TPRG1: variants seen among roughly 807,000 people sequenced by gnomAD.
The protein encoded by TPRG1 is tumor protein p63-regulated gene 1 protein.
Under a neutral mutation model 29.3 loss-of-function variants are expected in TPRG1, and 29 were observed. The observed-to-expected ratio is 0.99, with a 90% CI of 0.74 to 1.35. The LOEUF (loss-of-function observed/expected upper bound fraction) is 1.35, where lower values mean the gene tolerates loss of function less well. Ranked by LOEUF, TPRG1 falls within the 40% of genes most tolerant of loss-of-function variation. The probability of loss-of-function intolerance (pLI) is 0.00; values close to 1 mark genes in which losing one functional copy is unlikely to be tolerated. For missense variants in TPRG1, 327 were observed against 335.0 expected, an observed-to-expected ratio of 0.98 and a Z score of 0.19; for synonymous variants, 130 against 116.8, an observed-to-expected ratio of 1.11 and a Z score of -0.73.
At chr3:189,218,771 C>A (rs1437338015) in intron 3 of TPRG1, among the ~76,000 whole-genome samples, 1 of 152,160 alleles carries the variant, frequency 6.6e-6, no homozygotes, top group Admixed American at 6.5e-5. Flanking sequence ...CTCCTGCATT[C>A]GTCTTGAGGC....
chr3:189,140,671 C>A (rs961499469), intron 3 of TPRG1, among the ~76,000 whole-genome samples: 5 of 152,186 alleles, frequency 3.3e-5, no homozygotes, highest in African/African-American at 1.2e-4. Flanking sequence ...AAACACAAAT[C>A]TTACCTGCAC....
At chr3:189,023,430 T>C (rs1325166498) in intron 3 of TPRG1, among the ~76,000 whole-genome samples, 2 of 152,238 alleles carry the variant, frequency 1.3e-5, no homozygotes, top group Non-Finnish European at 2.9e-5. Context: ...CTTCTTCGCA[T>C]TGAGTTACAG....
Position 189,027,848 on chromosome 3 carries a change from G to A in TPRG1, c.-463+3902G>A, listed in dbSNP as rs555268297. Among the ~76,000 whole-genome samples, 8 of 152,238 alleles carry A rather than the reference G, an allele frequency of 5.3e-5. No individual in the cohort carries two copies. The South Asian group carries it at 1.2e-3, about 24-fold the overall frequency. On this transcript the variant is annotated intron_variant, in intron 4 of 10. Transcript: ENST00000433971. ...GAAGGCTTAAAAGCAATAGCATTGTGAACAGTGAGCATGCATTCCCTCTTA... is the reference window on the plus strand; with the variant it reads ...GAAGGCTTAAAAGCAATAGCATTGTAAACAGTGAGCATGCATTCCCTCTTA...
chr3:189,101,192 C>A (rs1276784603), intron 1 of TPRG1, among the ~76,000 whole-genome samples: 1 of 152,116 alleles, frequency 6.6e-6, no homozygotes, highest in African/African-American at 2.4e-5. Context: ...CCTGTTCATG[C>A]CAGCGAACCC....
At chr3:189,153,878 A>G (rs1352669676) in intron 5 of TPRG1, among the ~76,000 whole-genome samples, 1 of 152,224 alleles carries the variant, frequency 6.6e-6, no homozygotes, top group Non-Finnish European at 1.5e-5. Flanking sequence ...GAGGACTAAG[A>G]GGACCAAGTC....
chr3:189,170,491 G>A (rs534672775), upstream of TPRG1, among the ~76,000 whole-genome samples: 43 of 152,276 alleles, frequency 2.8e-4, no homozygotes, highest in African/African-American at 1.0e-3. Context: ...CCCTCCTCTG[G>A]ATTACCATAG....
At chr3:189,078,363 C>G (rs958862793) in intron 4 of TPRG1, among the ~76,000 whole-genome samples, 1 of 151,936 alleles carries the variant, frequency 6.6e-6, no homozygotes, top group Non-Finnish European at 1.5e-5. Context: ...GTCTTGAACT[C>G]CTGACCTCAG....
chr3:189,054,524 A>G (rs1418957804), intron 4 of TPRG1, among the ~76,000 whole-genome samples: 1 of 152,012 alleles, frequency 6.6e-6, no homozygotes, highest in Non-Finnish European at 1.5e-5. Flanking sequence ...CTCTTATAAA[A>G]TGACAAATTT....
intron 4 of TPRG1, among the ~76,000 whole-genome samples, chr3:189,032,844 G>A (rs946468254): frequency 6.9e-6 from 1 of 145,814 alleles, no homozygotes; most frequent in East Asian, 2.0e-4. Context: ...GAGAACATGC[G>A]GTGTTTGGTT....
intron 3 of TPRG1, among the ~76,000 whole-genome samples, chr3:189,233,501 G>T (rs2108916793): frequency 6.6e-6 from 1 of 152,204 alleles, no homozygotes; most frequent in East Asian, 1.9e-4. Flanking sequence ...TTTTTATCTG[G>T]GGGAGAACCT....
chr3:189,041,605 G>A lies in TPRG1; in HGVS notation c.-463+17659G>A, dbSNP rs573280964. ...ATGGCTTCCCTTCTCACCCCATGTG[G>A]GGAGGTGGAACAAGCTTCCTAGTCT... is the stretch of plus-strand genomic sequence containing the variant. On this transcript the variant is annotated intron_variant, in intron 4 of 10. Transcript: ENST00000433971. Among the ~76,000 whole-genome samples, 21 of 152,306 alleles carry A rather than the reference G, an allele frequency of 1.4e-4. 1 individual carries two copies. In the East Asian group the frequency reaches 3.7e-3, roughly 27 times the overall value.
intron 1 of TPRG1, among the ~76,000 whole-genome samples, chr3:189,188,994 A>G (rs1395805071): frequency 6.6e-6 from 1 of 152,216 alleles, no homozygotes; most frequent in Non-Finnish European, 1.5e-5. Flanking sequence ...AAAATAAAAT[A>G]GTTTTTTCCT....
chr3:189,072,721 T>G (rs1716884227), intron 4 of TPRG1, among the ~76,000 whole-genome samples: 2 of 152,194 alleles, frequency 1.3e-5, no homozygotes, highest in African/African-American at 4.8e-5. Context: ...CAAGATCCAT[T>G]GGTTGTTTCT....
Position 189,323,983 on chromosome 3 carries a change from A to T in TPRG1, c.*3163A>T, listed in dbSNP as rs942424619. 1.5e-4 allele frequency: 23 copies of T among 152,264 alleles called. No homozygotes were observed. Among genetic ancestry groups the T allele is most frequent in the African/African-American group, 5.3e-4 (22 of 41,550 alleles). The allele number at this position is 152,264 out of a possible 1,614,324, so 9.4% of individuals were successfully genotyped here. ...CTGAGGGTGAGAAAGTTCAAAGCAG[A>T]TAGATGTTTTAACACAACAGGAGGA... On this transcript the variant is annotated 3_prime_UTR_variant, in exon 6 of 6. Transcript: ENST00000345063.
chr3:189,078,125 CTTT>C lies in TPRG1; in HGVS notation c.-462-48931_-462-48929del, dbSNP rs1468807465. On this transcript the variant is annotated intron_variant, in intron 4 of 10. Coordinates refer to the TPRG1 transcript ENST00000433971. ...TCTTTCTTTCTTTCTTTCTTTCTTTCTTTCTTTCTTTCCTTTCTTTTTTTTTTT... is the reference window on the plus strand; with the variant it reads ...TCTTTCTTTCTTTCTTTCTTTCTTTCCTTTCTTTCCTTTCTTTTTTTTTTT... 4.3e-4 allele frequency among the ~76,000 whole-genome samples: 51 copies of C among 117,454 alleles called. No homozygotes were observed. In the South Asian group the frequency reaches 0.013, roughly 31 times the overall value. 77.1% of individuals were successfully genotyped at this position (117,454 alleles called of 152,430 possible).
intron 1 of TPRG1, among the ~76,000 whole-genome samples, chr3:189,111,894 A>T (rs1283907554): frequency 6.6e-6 from 1 of 152,120 alleles, no homozygotes; most frequent in Admixed American, 6.6e-5. Context: ...GGTCTTGGGG[A>T]AAAGCATTCA....
chr3:189,047,856 C>T (rs1257812029), intron 4 of TPRG1, among the ~76,000 whole-genome samples: 3 of 152,186 alleles, frequency 2.0e-5, no homozygotes, highest in Non-Finnish European at 2.9e-5. Context: ...TCTTCAGGCT[C>T]CACTTCTCAT....
At chr3:189,072,584 G>T (rs1716877705) in intron 4 of TPRG1, among the ~76,000 whole-genome samples, 1 of 152,106 alleles carries the variant, frequency 6.6e-6, no homozygotes, top group Non-Finnish European at 1.5e-5. Context: ...CATTGGTAAT[G>T]TTAATTTAGA....
intron 4 of TPRG1, among the ~76,000 whole-genome samples, chr3:189,272,747 C>T (rs1473325364): frequency 7.0e-6 from 1 of 143,190 alleles, no homozygotes; most frequent in Non-Finnish European, 1.5e-5. Flanking sequence ...TTCCTTCCTT[C>T]CTTCGTTCCT....
Sources: gnomAD v4.1 joint callset for allele counts (sites outside exome capture counted in the v4.1 genomes callset) on GRCh38, gnomAD v4.1.1 for gene constraint, MANE v1.5 for transcripts, NCBI Gene and HGNC (gene_info 2026-07-23, HGNC 2026-07-21) for gene names.